The following SCFD2 variants were observed in gnomAD, a reference collection of about 807,000 sequenced individuals.
SCFD2 encodes sec1 family domain-containing protein 2.
A neutral mutation model predicts 58.9 loss-of-function variants in SCFD2; 54 were observed. The observed-to-expected ratio is 0.92, with a 90% CI of 0.74 to 1.15. The LOEUF is 1.15. Among genes scored for constraint, SCFD2 ranks in the 50% most tolerant of loss-of-function variants. The pLI, the probability that SCFD2 is intolerant of heterozygous loss-of-function variation, is 0.00. For synonymous variants in SCFD2, 321 were observed against 335.9 expected, an observed-to-expected ratio of 0.96 and a Z score of 0.49; for missense variants, 805 against 836.6, an observed-to-expected ratio of 0.96 and a Z score of 0.47.
chr4:53,031,721 A>G (rs1327253419), intron 5 of SCFD2, among the ~76,000 whole-genome samples: 2 of 152,362 alleles, frequency 1.3e-5, no homozygotes, highest in South Asian at 2.1e-4. Flanking sequence ...TAAACAGTTA[A>G]GACAAGATTA....
At chr4:53,257,635 A>G (rs1056332180) in intron 4 of SCFD2, among the ~76,000 whole-genome samples, 2 of 152,150 alleles carry the variant, frequency 1.3e-5, no homozygotes, top group Non-Finnish European at 2.9e-5. Flanking sequence ...GGGTTTTTTG[A>G]TACAATATTG....
intron 2 of SCFD2, among the ~76,000 whole-genome samples, chr4:53,328,124 G>A (rs1450994518): frequency 5.0e-5 from 7 of 139,294 alleles, no homozygotes; most frequent in Non-Finnish European, 9.2e-5. Flanking sequence ...GACAGAGCGA[G>A]ACTCTGTCTC....
chr4:52,982,232 T>C (rs1397234138), intron 5 of SCFD2, among the ~76,000 whole-genome samples: 1 of 152,138 alleles, frequency 6.6e-6, no homozygotes, highest in African/African-American at 2.4e-5. Context: ...GGTGGTTATT[T>C]TCACTGTAAC....
At position 52,920,712 on chromosome 4, in the gene SCFD2, C is replaced by T. The variant is rs374555785; in HGVS notation, c.1707+13G>A. 83 of 1,562,044 alleles carry T rather than the reference C, an allele frequency of 5.3e-5. No individual in the cohort carries two copies. Among genetic ancestry groups the T allele is most frequent in the African/African-American group, 9.7e-5 (7 of 71,914 alleles). On this transcript the variant is annotated intron_variant, in intron 6 of 8. Transcript: ENST00000401642. ...AACAGATTAGAAGGTTACTTTAAAA[C>T]GTATATACTTGCCTGGTGGGTATGA...
At chr4:52,982,731 C>T (rs1045764255) in intron 5 of SCFD2, among the ~76,000 whole-genome samples, 3 of 152,142 alleles carry the variant, frequency 2.0e-5, no homozygotes, top group Non-Finnish European at 4.4e-5. Flanking sequence ...TGTTGATTTT[C>T]TACCAGCTAT....
intron 5 of SCFD2, among the ~76,000 whole-genome samples, chr4:53,097,203 C>T (rs1159010724): frequency 6.6e-6 from 1 of 152,032 alleles, no homozygotes. Flanking sequence ...TGGGGGCTCT[C>T]TTTTGGTTCC....
rs554739150 is a variant in SCFD2 at position 53,241,379 on chromosome 4, G to A, written c.1311+32447C>T. ...TGTCAGATCTGAACTCTGCAAGGCAGTCTTCCCCATGAGACAGGGCCAGTC... is the reference window on the plus strand; with the variant it reads ...TGTCAGATCTGAACTCTGCAAGGCAATCTTCCCCATGAGACAGGGCCAGTC... On this transcript the variant is annotated intron_variant, in intron 4 of 8. Transcript: ENST00000401642. Among the ~76,000 whole-genome samples, 17 of 152,290 alleles carry A rather than the reference G, an allele frequency of 1.1e-4. 1 individual carries two copies. In the South Asian group the frequency reaches 3.5e-3, roughly 32 times the overall value.
chr4:53,347,971 T>A (rs982856414), intron 2 of SCFD2, among the ~76,000 whole-genome samples: 4 of 152,154 alleles, frequency 2.6e-5, no homozygotes, highest in Admixed American at 1.3e-4. Context: ...GACCTAAAAA[T>A]GGTTAGAGAT....
chr4:53,236,851 T>A (rs1043491661), intron 4 of SCFD2, among the ~76,000 whole-genome samples: 64 of 148,180 alleles, frequency 4.3e-4, no homozygotes, highest in African/African-American at 1.6e-3. Context: ...TTTATTTATT[T>A]ATTTTTTATT....
At chr4:53,142,342 AT>A (rs1204087558) in intron 5 of SCFD2, among the ~76,000 whole-genome samples, 1 of 152,236 alleles carries the variant, frequency 6.6e-6, no homozygotes, top group Non-Finnish European at 1.5e-5. Flanking sequence ...AAAAAGTAGA[AT>A]TGTTATTCAA....
At chr4:53,073,434 G>A (rs561163993) in intron 5 of SCFD2, among the ~76,000 whole-genome samples, 2 of 152,192 alleles carry the variant, frequency 1.3e-5, no homozygotes, top group Admixed American at 1.3e-4. Flanking sequence ...GCCCAATACA[G>A]TTGATCGAGT....
chr4:53,322,817 C>T lies in SCFD2; in HGVS notation c.1008-9054G>A, dbSNP rs758198223. On this transcript the variant is annotated intron_variant, in intron 2 of 8. Transcript: ENST00000401642. ...CCAGTACACAGATCAGCACTTGCTC[C>T]ACTGGGGAACTCTAGGCTGGATTGA... Among the ~76,000 whole-genome samples the T allele has an allele frequency of 7.0e-4, 107 of 152,290 alleles. No individual in the cohort carries two copies. In the Middle Eastern group the frequency reaches 0.02, roughly 29 times the overall value.
In SCFD2 at chr4:52,926,055, C is replaced by T. The variant is rs141602290; in HGVS notation, c.1562-5185G>A. ...GAATGGTTTCCATGGCTCTGTACAC[C>T]GCAGGGAGCACAGTGTGGGTCCATT... is the stretch of plus-strand genomic sequence containing the variant. On this transcript the variant is annotated intron_variant, in intron 5 of 8. Coordinates refer to ENST00000401642, the MANE Select transcript of SCFD2 (RefSeq NM_152540.4). Among the ~76,000 whole-genome samples the T allele has an allele frequency of 2.0e-4, 30 of 152,098 alleles. No individual in the cohort carries two copies. The East Asian group carries it at 5.4e-3, about 28-fold the overall frequency.
intron 4 of SCFD2, among the ~76,000 whole-genome samples, chr4:53,199,483 T>C (rs1462000427): frequency 2.6e-5 from 4 of 152,096 alleles, no homozygotes; most frequent in Non-Finnish European, 5.9e-5. Context: ...GATAAGAGTA[T>C]CATTGTTTAT....
intron 5 of SCFD2, among the ~76,000 whole-genome samples, chr4:53,137,937 G>T (rs566187894): frequency 6.6e-6 from 1 of 152,166 alleles, no homozygotes; most frequent in African/African-American, 2.4e-5. Flanking sequence ...TCAGTCCACA[G>T]GTCAACTGGG....
intron 4 of SCFD2, among the ~76,000 whole-genome samples, chr4:53,235,392 C>CA (rs1729566711): frequency 6.6e-6 from 1 of 152,160 alleles, no homozygotes; most frequent in South Asian, 2.1e-4. Flanking sequence ...ATGTTTATAA[C>CA]AAACTACTCC....
At chr4:53,233,545 A>G (rs1367022669) in intron 4 of SCFD2, among the ~76,000 whole-genome samples, 1 of 152,224 alleles carries the variant, frequency 6.6e-6, no homozygotes, top group Non-Finnish European at 1.5e-5. Context: ...ATAACACATG[A>G]TATCATTGCT....
chr4:53,276,252 T>A (rs537459926), intron 3 of SCFD2, among the ~76,000 whole-genome samples: 9 of 152,228 alleles, frequency 5.9e-5, no homozygotes, highest in Admixed American at 2.6e-4. Flanking sequence ...TGAAAAAGTT[T>A]TATAGCAAAA....
At chr4:53,094,849 C>G (rs1224976648) in intron 5 of SCFD2, among the ~76,000 whole-genome samples, 1 of 152,118 alleles carries the variant, frequency 6.6e-6, no homozygotes. Context: ...CTCTTACACT[C>G]ATTCCAACAA....
Sources: allele counts gnomAD v4.1 joint callset (sites outside exome capture counted in the v4.1 genomes callset), GRCh38; gene constraint gnomAD v4.1.1; transcripts MANE v1.5; gene names NCBI Gene and HGNC (gene_info 2026-07-23, HGNC 2026-07-21).